NUDCD1: variants seen among roughly 807,000 people sequenced by gnomAD.
The protein encoded by NUDCD1 is NudC domain containing 1.
A neutral mutation model predicts 67.8 loss-of-function variants in NUDCD1; 60 were observed. The ratio of observed to expected loss-of-function variants is 0.88; its 90% confidence interval spans 0.72 to 1.10. The LOEUF (loss-of-function observed/expected upper bound fraction) is 1.10. Ranked by LOEUF, NUDCD1 falls within the 50% of genes least tolerant of loss-of-function variation. The pLI is 0.00. For synonymous variants in NUDCD1, 244 were observed against 230.8 expected (o/e 1.06, Z -0.52); for missense variants, 643 against 695.0 (o/e 0.93, Z 0.84).
intron 8 of NUDCD1, among the ~76,000 whole-genome samples, chr8:109,246,236 T>C (rs1012281086): frequency 2.0e-5 from 3 of 152,236 alleles, no homozygotes; most frequent in African/African-American, 7.2e-5. Flanking sequence ...AGTTTACTAA[T>C]GCTAACTTGT....
rs117867653 is a variant in NUDCD1 at position 109,293,278 on chromosome 8, G to C, written c.640+66C>G. 5,045 of 832,816 alleles carry C rather than the reference G, an allele frequency of 6.1e-3. 17 individuals carry two copies. The highest frequency in any genetic ancestry group is 6.6e-3 in the Non-Finnish European group (3,557 of 539,396). The allele number at this position is 832,816 out of a possible 1,614,324, so 51.6% of individuals were successfully genotyped here. A position where few individuals can be genotyped will look rare whatever the true frequency, so the allele number is the denominator to read the frequency against. Reference sequence around the variant, plus strand: ...AGAGCAAACAGTATTTACAGGGACAGCTTTGTGTTTCAAAATCTACTAAAT... The same window carrying C: ...AGAGCAAACAGTATTTACAGGGACACCTTTGTGTTTCAAAATCTACTAAAT... On this transcript the variant is annotated intron_variant, in intron 4 of 9. Transcript: ENST00000239690.
At chr8:109,321,858 T>C (rs2130132090) in intron 2 of NUDCD1, among the ~76,000 whole-genome samples, 1 of 152,130 alleles carries the variant, frequency 6.6e-6, no homozygotes, top group East Asian at 1.9e-4. Flanking sequence ...ACAAAAAATA[T>C]TCACAGAACC....
At chr8:109,301,648 G>C (rs950014267) in intron 2 of NUDCD1, among the ~76,000 whole-genome samples, 15 of 152,170 alleles carry the variant, frequency 9.9e-5, no homozygotes, top group Non-Finnish European at 1.8e-4. Flanking sequence ...GGGGTAAGCG[G>C]CCTTTCTACT....
rs773765344 is a variant in NUDCD1, at chr8:109,281,095, C to T, written c.901G>A (p.Asp301Asn). The part of the protein sequence containing the change: ...IRLPEDSTKE[D>N]IQIQFLPDHI... Reference sequence around the variant, plus strand: ...TCAGGCAAAAACTGTATTTGAATGTCCTCCTTAGTACTGTCTTCTGGAAGC... The same window carrying T: ...TCAGGCAAAAACTGTATTTGAATGTTCTCCTTAGTACTGTCTTCTGGAAGC... The change falls in exon 6 of 10, where the codon GAC (aspartate) becomes AAC (asparagine). Residue 301 changes from aspartate to asparagine, a missense_variant. Coordinates refer to ENST00000239690, the MANE Select transcript of NUDCD1 (RefSeq NM_032869.4). The T allele has an allele frequency of 1.9e-6, 3 of 1,613,284 alleles. No homozygotes were observed. Among genetic ancestry groups the T allele is most frequent in the Non-Finnish European group, 2.5e-6 (3 of 1,179,418 alleles).
rs754944532 is a variant in NUDCD1, at chr8:109,289,863, A to C, written c.711T>G (p.Ile237Met). 6.4e-7 allele frequency: 1 copy of C among 1,559,100 alleles called. No individual in the cohort carries two copies. The highest frequency in any genetic ancestry group is 2.4e-5 in the East Asian group (1 of 41,578). Reference protein sequence around the residue: ...RGKSVPHYAAIEPDGNGLMIV... With the variant: ...RGKSVPHYAAMEPDGNGLMIV... ...TCATTAGACCATTTCCATCAGGCTC[A>C]ATAGCAGCATAATGTGGCACTGACT... Residue 237 changes from isoleucine to methionine, a missense_variant, in exon 5 of 10, where the codon ATT (isoleucine) becomes ATG (methionine). Coordinates refer to ENST00000239690, the MANE Select transcript of NUDCD1 (RefSeq NM_032869.4).
intron 2 of NUDCD1, among the ~76,000 whole-genome samples, chr8:109,321,514 T>C (rs1397581459): frequency 7.2e-6 from 1 of 139,128 alleles, no homozygotes; most frequent in Admixed American, 6.8e-5. Flanking sequence ...TCTAAGGACA[T>C]TTTTTTTAAA....
chr8:109,269,453 G>C (rs7825760), intron 8 of NUDCD1, among the ~76,000 whole-genome samples: 11,046 of 152,162 alleles, frequency 0.073, 1,310 homozygotes, highest in African/African-American at 0.25. Context: ...AAAAGACTAG[G>C]AAGGGATAGC....
chr8:109,280,099 A>C (rs999696090), intron 6 of NUDCD1, among the ~76,000 whole-genome samples: 10 of 152,248 alleles, frequency 6.6e-5, no homozygotes, highest in Middle Eastern at 3.2e-3. Flanking sequence ...GTGAAATAAT[A>C]TGTATATAAA....
At chr8:109,321,817 T>C (rs1368074340) in intron 2 of NUDCD1, among the ~76,000 whole-genome samples, 1 of 151,910 alleles carries the variant, frequency 6.6e-6, no homozygotes, top group East Asian at 1.9e-4. Flanking sequence ...AATCCAGAAA[T>C]AACTGTATTA....
chr8:109,313,872 T>C (rs1259255237), intron 2 of NUDCD1: 10 of 979,192 alleles, frequency 1.0e-5, no homozygotes, highest in African/African-American at 6.7e-5. Flanking sequence ...AATAGAATGA[T>C]TAAGATACTT....
chr8:109,275,888 G>A (rs964172795), intron 6 of NUDCD1, among the ~76,000 whole-genome samples: 13 of 152,024 alleles, frequency 8.6e-5, no homozygotes, highest in Non-Finnish European at 1.8e-4. Flanking sequence ...AGAGTAAAAG[G>A]GCTGTAATTA....
At chr8:109,315,086 C>T (rs1815358051) in intron 2 of NUDCD1, 1 of 152,038 alleles carries the variant, frequency 6.6e-6, no homozygotes, top group South Asian at 2.1e-4. Context: ...CATTAATAAC[C>T]ATTAACTTTA....
intron 5 of NUDCD1, among the ~76,000 whole-genome samples, chr8:109,287,156 G>C (rs1814594041): frequency 6.6e-6 from 1 of 152,086 alleles, no homozygotes; most frequent in East Asian, 1.9e-4. Flanking sequence ...ATAAGGCTGT[G>C]GAGAAAAGGG....
intron 8 of NUDCD1, among the ~76,000 whole-genome samples, chr8:109,270,077 G>GGGGGT (rs1814105158): frequency 1.6e-5 from 1 of 62,882 alleles, no homozygotes; most frequent in African/African-American, 5.5e-5. Context: ...CGGGGGGGGG[G>GGGGGT]GGGGGTGCCT....
chr8:109,269,733 C>T lies in NUDCD1; in HGVS notation c.1299+1272G>A, dbSNP rs554409762. Among the ~76,000 whole-genome samples, 9 of 151,996 alleles carry T rather than the reference C, an allele frequency of 5.9e-5. No individual in the cohort carries two copies. In the South Asian group the frequency reaches 1.5e-3, roughly 25 times the overall value. ...AACAAAAGACCAAGTTGTTCTCAAT[C>T]TCCTCTGTTGCTTTTGCTTGGAATG... is the stretch of plus-strand genomic sequence containing the variant. On this transcript the variant is annotated intron_variant, in intron 8 of 9. Coordinates refer to ENST00000239690, the MANE Select transcript of NUDCD1 (RefSeq NM_032869.4).
chr8:109,312,523 G>A (rs1216410598), intron 2 of NUDCD1, among the ~76,000 whole-genome samples: 4 of 152,108 alleles, frequency 2.6e-5, no homozygotes, highest in African/African-American at 7.2e-5. Context: ...TTTATATACT[G>A]TTTGACATGA....
chr8:109,303,330 C>T (rs1452427742), intron 2 of NUDCD1, among the ~76,000 whole-genome samples: 1 of 152,188 alleles, frequency 6.6e-6, no homozygotes, highest in African/African-American at 2.4e-5. Flanking sequence ...ATCACAGACA[C>T]TTTGGGTAAC....
At chr8:109,272,979 T>G (rs957030150) in intron 7 of NUDCD1, among the ~76,000 whole-genome samples, 3 of 152,272 alleles carry the variant, frequency 2.0e-5, no homozygotes, top group Non-Finnish European at 4.4e-5. Context: ...CCCCTTCCAA[T>G]TATTCATACT....
At chr8:109,278,596 T>C (rs1814352540) in intron 6 of NUDCD1, among the ~76,000 whole-genome samples, 1 of 152,198 alleles carries the variant, frequency 6.6e-6, no homozygotes, top group African/African-American at 2.4e-5. Flanking sequence ...AGTGTTCTGA[T>C]TTGTATCACC....
Sources: allele counts gnomAD v4.1 joint callset (sites outside exome capture counted in the v4.1 genomes callset), GRCh38; gene constraint gnomAD v4.1.1; transcripts MANE v1.5; gene names NCBI Gene and HGNC (gene_info 2026-07-23, HGNC 2026-07-21).